Variants in TMOD3 observed in about 807,000 individuals in gnomAD.
TMOD3 encodes the protein tropomodulin-3.
A neutral mutation model predicts 39.2 loss-of-function variants in TMOD3; 20 were observed. The ratio of observed to expected loss-of-function variants is 0.51; its 90% confidence interval spans 0.36 to 0.74. The LOEUF (loss-of-function observed/expected upper bound fraction) is 0.74, where lower values mean the gene tolerates loss of function less well. Ranked by LOEUF, TMOD3 falls within the 30% of genes least tolerant of loss-of-function variation. TMOD3 has a pLI of 0.00. For synonymous variants in TMOD3, 143 were observed against 145.8 expected (o/e 0.98, Z 0.14); for missense variants, 381 against 412.8 (o/e 0.92, Z 0.67).
At chr15:51,908,722 C>G in intron 9 of TMOD3, 54 bp from the exon 10 acceptor site, 2 of 1,458,878 alleles carry the variant, frequency 1.4e-6, no homozygotes, top group Admixed American at 2.0e-5. Flanking sequence ...AGCAAGTTAC[C>G]ATTGTAAAAA....
intron 1 of TMOD3, among the ~76,000 whole-genome samples, chr15:51,841,157 A>G (rs2056310984): frequency 6.6e-6 from 1 of 152,232 alleles, no homozygotes; most frequent in East Asian, 1.9e-4. Flanking sequence ...GATGTGTATG[A>G]TAAAGTGCCT....
At chr15:51,887,343 TACTCTAAAAAGAGCCCA>T (rs1344579372) in intron 3 of TMOD3, among the ~76,000 whole-genome samples, 23 of 151,988 alleles carry the variant, frequency 1.5e-4, no homozygotes, top group African/African-American at 5.5e-4. Context: ...AACTCGCAAT[TACTCTAAAAAGAGCCCA>T]TTTTTATTTC....
intron 5 of TMOD3, 74 bp from the exon 6 acceptor site, chr15:51,893,741 G>GGCGAAAGT (rs2056606749): frequency 7.3e-7 from 1 of 1,368,992 alleles, no homozygotes; most frequent in Admixed American, 2.6e-5. Flanking sequence ...CTCCGGCCTG[G>GGCGAAAGT]GCGAAAGTGC....
At chr15:51,854,617 T>C (rs1399210330) in intron 1 of TMOD3, among the ~76,000 whole-genome samples, 1 of 152,158 alleles carries the variant, frequency 6.6e-6, no homozygotes, top group Non-Finnish European at 1.5e-5. Flanking sequence ...TGGAAATTGG[T>C]TGAACAGAGT....
chr15:51,851,673 C>T (rs1301060658), intron 1 of TMOD3, among the ~76,000 whole-genome samples: 1 of 152,068 alleles, frequency 6.6e-6, no homozygotes, highest in African/African-American at 2.4e-5. Flanking sequence ...ATGTTCAGCT[C>T]CTCAGGATAA....
intron 1 of TMOD3, among the ~76,000 whole-genome samples, chr15:51,840,014 G>A (rs1325292980): frequency 6.6e-6 from 1 of 152,058 alleles, no homozygotes; most frequent in East Asian, 1.9e-4. Flanking sequence ...TGTTAATTTA[G>A]TGTCTACCAT....
At chr15:51,846,266 G>A (rs1291873169) in intron 1 of TMOD3, among the ~76,000 whole-genome samples, 3 of 152,164 alleles carry the variant, frequency 2.0e-5, no homozygotes, top group African/African-American at 7.2e-5. Flanking sequence ...GGGAGTTTGA[G>A]GCTGCCATGA....
chr15:51,915,625 AG>A lies in TMOD3; in HGVS notation c.*6816del. ...ATATTATCCAAATTCATAACAGCAC[AG>A]TGAAGTTTCTTTTGAAGACTATGTA... On this transcript the variant is annotated 3_prime_UTR_variant, in exon 10 of 10. Transcript: ENST00000308580. The A allele has an allele frequency of 6.6e-6, 1 of 152,372 alleles. No homozygotes were observed. The highest frequency in any genetic ancestry group is 2.4e-5 in the African/African-American group (1 of 41,586). 9.4% of individuals were successfully genotyped at this position (152,372 alleles called of 1,614,324 possible). A position where few individuals can be genotyped will look rare whatever the true frequency, so the allele number is the denominator to read the frequency against.
intron 3 of TMOD3, among the ~76,000 whole-genome samples, chr15:51,879,846 T>C (rs1220257361): frequency 1.1e-5 from 1 of 87,504 alleles, no homozygotes; most frequent in African/African-American, 4.3e-5. Flanking sequence ...TCTTTCTCTC[T>C]CTCTGTCTTT....
At chr15:51,896,372 T>G (rs375876017) in intron 6 of TMOD3, 47 bp from the exon 7 acceptor site, 7 of 1,340,394 alleles carry the variant, frequency 5.2e-6, no homozygotes, top group Non-Finnish European at 7.3e-6. Flanking sequence ...AAACTAAATA[T>G]AATGAAAATT....
chr15:51,885,284 C>CTTTT (rs67378569), intron 3 of TMOD3, among the ~76,000 whole-genome samples: 1 of 126,974 alleles, frequency 7.9e-6, no homozygotes, highest in Non-Finnish European at 1.7e-5. Context: ...TTTCTTTTTT[C>CTTTT]TTTTTTTTTT....
At chr15:51,863,371 G>C (rs1304088022) in intron 2 of TMOD3, among the ~76,000 whole-genome samples, 1 of 152,158 alleles carries the variant, frequency 6.6e-6, no homozygotes, top group Admixed American at 6.5e-5. Context: ...ATGCCAGGTG[G>C]CTCCAGTGTA....
intron 4 of TMOD3, 38 bp downstream of exon 4, chr15:51,887,749 G>A: frequency 6.2e-7 from 1 of 1,611,958 alleles, no homozygotes; most frequent in Non-Finnish European, 8.5e-7. Context: ...AATAAGTGTG[G>A]GGTGGAGTGG....
intron 9 of TMOD3, among the ~76,000 whole-genome samples, chr15:51,903,944 C>G (rs1453671104): frequency 6.6e-6 from 1 of 152,200 alleles, no homozygotes; most frequent in Non-Finnish European, 1.5e-5. Context: ...TAGTGCGCTA[C>G]ACAGCCACGA....
intron 1 of TMOD3, among the ~76,000 whole-genome samples, chr15:51,854,015 G>C (rs980737636): frequency 6.6e-6 from 1 of 152,128 alleles, no homozygotes; most frequent in African/African-American, 2.4e-5. Context: ...GAGGCCTAAA[G>C]TTTGTGGCCT....
chr15:51,887,469 A>C (rs1249555644), intron 3 of TMOD3, 120 bp from the exon 4 acceptor site: 1 of 1,086,652 alleles, frequency 9.2e-7, no homozygotes, highest in Admixed American at 2.7e-5. Flanking sequence ...ATAAAACAAA[A>C]TTACTGTCGA....
In TMOD3 at chr15:51,901,955, A is replaced by T; in HGVS notation, c.943A>T (p.Ile315Phe). The change falls in exon 9 of 10, where the codon ATC becomes TTC. Residue 315 changes from isoleucine to phenylalanine, a missense_variant. Physicochemically the swap from Ile to Phe is conservative, Grantham distance 21 (BLOSUM62 0). Transcript: ENST00000308580. ...MAKMLEENTN[I>F]LKFGYQFTQQ... ...CAAGATGCTTGAGGAAAATACAAAT[A>T]TCCTTAAATTTGGATATCAGTTTAC... 6.2e-7 allele frequency: 1 copy of T among 1,614,156 alleles called. No homozygotes were observed. Among genetic ancestry groups the T allele is most frequent in the Non-Finnish European group, 8.5e-7 (1 of 1,180,016 alleles).
At chr15:51,839,928 T>G (rs1454614558) in intron 1 of TMOD3, among the ~76,000 whole-genome samples, 1 of 152,178 alleles carries the variant, frequency 6.6e-6, no homozygotes. Flanking sequence ...CCCAGCCCCA[T>G]TAGGATATGA....
At chr15:51,887,392 T>G (rs2056570398) in intron 3 of TMOD3, among the ~76,000 whole-genome samples, 197 bp from the exon 4 acceptor site, 1 of 152,134 alleles carries the variant, frequency 6.6e-6, no homozygotes, top group African/African-American at 2.4e-5. Context: ...AATTTCTCAG[T>G]TGACCTTTTC....
Sources: allele counts gnomAD v4.1 joint callset (sites outside exome capture counted in the v4.1 genomes callset), GRCh38; gene constraint gnomAD v4.1.1; transcripts MANE v1.5; gene names NCBI Gene and HGNC (gene_info 2026-07-23, HGNC 2026-07-21).